Variants in ERI3 observed in about 807,000 individuals in gnomAD.
ERI3 encodes the protein ERI1 exoribonuclease 3.
Under a neutral mutation model 44.4 loss-of-function variants are expected in ERI3, and 18 were observed. The ratio of observed to expected loss-of-function variants is 0.41; its 90% CI spans 0.28 to 0.60. The LOEUF is 0.60. Among genes scored for constraint, ERI3 ranks in the 20% least tolerant of loss-of-function variants. ERI3 has a pLI of 0.36. For synonymous variants in ERI3, 183 were observed against 164.8 expected, an observed-to-expected ratio of 1.11 and a Z score of -0.84; for missense variants, 294 against 435.5, an observed-to-expected ratio of 0.68 and a Z score of 2.89.
intron 7 of ERI3, among the ~76,000 whole-genome samples, chr1:44,275,800 G>A (rs546183543): frequency 7.9e-5 from 12 of 152,276 alleles, no homozygotes; most frequent in Non-Finnish European, 1.3e-4. Context: ...CTGTCTGCCA[G>A]GACTGACTCA....
At chr1:44,330,827 C>A (rs1383514523) in intron 3 of ERI3, among the ~76,000 whole-genome samples, 6 of 152,158 alleles carry the variant, frequency 3.9e-5, no homozygotes, top group Admixed American at 2.0e-4. Flanking sequence ...GCATCTTAAT[C>A]AAAATGATGC....
intron 6 of ERI3, among the ~76,000 whole-genome samples, chr1:44,304,846 T>C (rs376690176): frequency 1.3e-5 from 2 of 152,026 alleles, no homozygotes; most frequent in East Asian, 3.9e-4. Context: ...CAGAATGTAG[T>C]ATGCACACCC....
chr1:44,314,952 T>C (rs1646055854), intron 4 of ERI3, among the ~76,000 whole-genome samples: 1 of 152,172 alleles, frequency 6.6e-6, no homozygotes, highest in South Asian at 2.1e-4. Flanking sequence ...GCCTCAGGCA[T>C]GAAGGGGCCA....
intron 3 of ERI3, among the ~76,000 whole-genome samples, chr1:44,334,163 G>A (rs1646486912): frequency 6.6e-6 from 1 of 152,222 alleles, no homozygotes; most frequent in Admixed American, 6.5e-5. Flanking sequence ...GGGGAGAGCT[G>A]TGCTGCACCC....
intron 7 of ERI3, among the ~76,000 whole-genome samples, chr1:44,278,391 C>T (rs558153434): frequency 2.9e-4 from 44 of 150,922 alleles, no homozygotes; most frequent in African/African-American, 1.0e-3. Context: ...GCACAAGAAT[C>T]ACTTGAACCC....
intron 6 of ERI3, among the ~76,000 whole-genome samples, chr1:44,301,421 C>A (rs138658835): frequency 6.6e-6 from 1 of 152,216 alleles, no homozygotes; most frequent in Admixed American, 6.5e-5. Flanking sequence ...GCCCTGACTA[C>A]AGCCTCAGTT....
chr1:44,225,895 C>T (rs779883133), intron 8 of ERI3, among the ~76,000 whole-genome samples: 7 of 152,312 alleles, frequency 4.6e-5, no homozygotes, highest in Middle Eastern at 3.4e-3. Context: ...GCGCTGACAC[C>T]TTCTGTATGC....
intron 7 of ERI3, among the ~76,000 whole-genome samples, chr1:44,254,965 T>G (rs1190542868): frequency 6.6e-6 from 1 of 151,974 alleles, no homozygotes; most frequent in Non-Finnish European, 1.5e-5. Context: ...TTCAAGCATA[T>G]GCTTAGATTT....
intron 5 of ERI3, among the ~76,000 whole-genome samples, chr1:44,310,933 C>T (rs1206702094): frequency 6.7e-6 from 1 of 149,060 alleles, no homozygotes; most frequent in East Asian, 2.0e-4. Flanking sequence ...GACCCAACTC[C>T]TTGCATGTAT....
In ERI3 at chr1:44,241,006, G is replaced by A. The variant is rs1324672037; in HGVS notation, c.931+6933C>T. 6.6e-6 allele frequency among the ~76,000 whole-genome samples: 1 copy of A among 152,224 alleles called. No homozygotes were observed. The highest frequency in any genetic ancestry group is 1.5e-5 in the Non-Finnish European group (1 of 68,030). On this transcript the variant is annotated intron_variant, in intron 8 of 8. Transcript: ENST00000372257. The surrounding 1 kb of genome is among the most constrained non-coding windows in gnomAD (Gnocchi z 5.6). ...AGGTCAGATGGGGTAGGTCAGCAGG[G>A]CTGGCCCATGAAGTGTGGATTGTCC...
At chr1:44,354,773 C>T (rs1033029866) in intron 1 of ERI3, 119 bp downstream of exon 1, 2 of 1,266,222 alleles carry the variant, frequency 1.6e-6, no homozygotes, top group Non-Finnish European at 1.0e-6. Flanking sequence ...ATTAAGTAAG[C>T]ATCCAGGGTA....
intron 7 of ERI3, among the ~76,000 whole-genome samples, chr1:44,271,682 TTTA>T (rs1056551815): frequency 2.6e-5 from 4 of 152,224 alleles, no homozygotes; most frequent in African/African-American, 9.7e-5. Context: ...AGCACCTGGT[TTTA>T]TTATTACTAT....
intron 3 of ERI3, among the ~76,000 whole-genome samples, chr1:44,327,203 C>G (rs1245459464): frequency 6.6e-6 from 1 of 152,162 alleles, no homozygotes; most frequent in African/African-American, 2.4e-5. Context: ...GAGAGGTCCC[C>G]TGGAGGCATC....
At chr1:44,347,001 C>T (rs1646797324) in intron 2 of ERI3, among the ~76,000 whole-genome samples, 1 of 152,052 alleles carries the variant, frequency 6.6e-6, no homozygotes, top group South Asian at 2.1e-4. Flanking sequence ...TTTAATCCTC[C>T]CAAGTATCAA....
chr1:44,347,201 C>G (rs1402358664), intron 2 of ERI3, among the ~76,000 whole-genome samples: 1 of 152,178 alleles, frequency 6.6e-6, no homozygotes, highest in Non-Finnish European at 1.5e-5. Context: ...CAAAGTGTAA[C>G]TTTAACTAAA....
chr1:44,318,155 C>G lies in ERI3; in HGVS notation c.606+1473G>C, dbSNP rs150541536. Among the ~76,000 whole-genome samples the G allele has an allele frequency of 2.8e-3, 422 of 152,300 alleles. 2 individuals are homozygous for G. The highest frequency in any genetic ancestry group is 9.7e-3 in the African/African-American group (403 of 41,564). On this transcript the variant is annotated intron_variant, in intron 4 of 8. Coordinates refer to ENST00000372257, the MANE Select transcript of ERI3 (RefSeq NM_024066.3). The stretch of plus-strand genomic sequence containing the variant: ...AGCAGCCTTACTCTAAAAGAAGTCC[C>G]TCTTCTTCCGATACTCTCAAGCATC...
intron 7 of ERI3, among the ~76,000 whole-genome samples, chr1:44,262,929 T>C (rs895287641): frequency 1.3e-5 from 2 of 152,140 alleles, no homozygotes; most frequent in Non-Finnish European, 2.9e-5. Context: ...ACTCCCACCG[T>C]TCACTCCCAG....
chr1:44,259,920 TAGAC>T (rs200389542), intron 7 of ERI3, among the ~76,000 whole-genome samples: 1,307 of 129,648 alleles, frequency 0.01, 5 homozygotes, highest in African/African-American at 0.012. Flanking sequence ...GATAGATAGA[TAGAC>T]AGACAGACAG....
At chr1:44,341,442 A>G (rs1646650758) in intron 2 of ERI3, among the ~76,000 whole-genome samples, 2 of 152,248 alleles carry the variant, frequency 1.3e-5, no homozygotes, top group Non-Finnish European at 2.9e-5. Context: ...CAATTAATTC[A>G]TAAGGCAGCC....
Sources: allele counts gnomAD v4.1 joint callset (sites outside exome capture counted in the v4.1 genomes callset), GRCh38; gene constraint gnomAD v4.1.1; non-coding constraint Gnocchi (gnomAD v3.1); transcripts MANE v1.5; gene names NCBI Gene and HGNC (gene_info 2026-07-23, HGNC 2026-07-21).